SLC4A10: variants seen among roughly 807,000 people sequenced by gnomAD.
SLC4A10 encodes the protein sodium-driven chloride bicarbonate exchanger.
SLC4A10 carries 42 observed loss-of-function variants against 137.7 expected under a neutral mutation model. That is an observed-to-expected ratio of 0.30 (90% CI 0.24 to 0.39). The LOEUF is 0.39. Ranked by LOEUF, SLC4A10 falls within the 10% of genes least tolerant of loss-of-function variation. The pLI, the probability that SLC4A10 is intolerant of heterozygous loss-of-function variation, is 1.00. For missense variants in SLC4A10, 925 were observed against 1,355.0 expected (o/e 0.68, Z 4.98); for synonymous variants, 474 against 464.1 (o/e 1.02, Z -0.27).
rs182819693 is a variant in SLC4A10, at chr2:161,791,176, T to C, written c.131-13273T>C. Among the ~76,000 whole-genome samples, 5 of 152,288 alleles carry C rather than the reference T, an allele frequency of 3.3e-5. No individual in the cohort carries two copies. In the East Asian group the frequency reaches 7.7e-4, roughly 23 times the overall value. Reference sequence around the variant, plus strand: ...AAAGATACATGCACGCACGTGTTCATTGTAGTGCTATTCACAATAGCAAAG... The same window carrying C: ...AAAGATACATGCACGCACGTGTTCACTGTAGTGCTATTCACAATAGCAAAG... On this transcript the variant is annotated intron_variant, in intron 2 of 26. Coordinates refer to ENST00000446997, the MANE Select transcript of SLC4A10 (RefSeq NM_001178015.2).
chr2:161,692,312 A>G (rs1327262877), intron 1 of SLC4A10, among the ~76,000 whole-genome samples: 3 of 152,028 alleles, frequency 2.0e-5, no homozygotes, highest in African/African-American at 7.2e-5. Flanking sequence ...AATATATAGG[A>G]CTATTAAATG....
intron 15 of SLC4A10, among the ~76,000 whole-genome samples, chr2:161,938,385 C>A (rs1691977912): frequency 6.6e-6 from 1 of 152,056 alleles, no homozygotes; most frequent in Admixed American, 6.6e-5. Flanking sequence ...TTAGACCATT[C>A]CAATGCAGCA....
chr2:161,978,384 CAAAAAAA>C (rs61399867), intron 26 of SLC4A10, among the ~76,000 whole-genome samples: 1 of 90,514 alleles, frequency 1.1e-5, no homozygotes, highest in Non-Finnish European at 2.1e-5. Flanking sequence ...GAGACTCTGT[CAAAAAAA>C]AAAAAAAAAA....
chr2:161,952,001 A>T (rs533917740), intron 19 of SLC4A10, among the ~76,000 whole-genome samples: 2 of 152,196 alleles, frequency 1.3e-5, no homozygotes, highest in African/African-American at 4.8e-5. Flanking sequence ...GATACATTTT[A>T]AAAAATCAAC....
chr2:161,660,465 G>T (rs1252470594), intron 1 of SLC4A10, among the ~76,000 whole-genome samples: 2 of 152,066 alleles, frequency 1.3e-5, no homozygotes, highest in Admixed American at 6.6e-5. Flanking sequence ...TGTTGTCCAG[G>T]ACTTCTACCA....
chr2:161,705,330 T>C (rs1181443197), intron 1 of SLC4A10, among the ~76,000 whole-genome samples: 1 of 151,686 alleles, frequency 6.6e-6, no homozygotes, highest in East Asian at 1.9e-4. Flanking sequence ...CCCTAGATTT[T>C]AGTTTTCCCC....
chr2:161,685,611 AAAACAAACAAAC>A (rs143002118), intron 1 of SLC4A10, among the ~76,000 whole-genome samples: 1 of 145,172 alleles, frequency 6.9e-6, no homozygotes, highest in Non-Finnish European at 1.5e-5. Context: ...CTGTCTCAGA[AAAACAAACAAAC>A]AAACAAACAA....
At chr2:161,644,045 C>T (rs964479331) in intron 1 of SLC4A10, among the ~76,000 whole-genome samples, 1 of 146,734 alleles carries the variant, frequency 6.8e-6, no homozygotes, top group African/African-American at 2.5e-5. Context: ...TACAAAGTCA[C>T]TTCTTTCCTT....
chr2:161,860,232 T>A (rs754820705), intron 5 of SLC4A10, among the ~76,000 whole-genome samples: 4 of 152,210 alleles, frequency 2.6e-5, no homozygotes, highest in Non-Finnish European at 5.9e-5. Context: ...AACAGATGAG[T>A]GTGTTTTTTA....
chr2:161,692,862 G>A (rs1559042957), intron 1 of SLC4A10, among the ~76,000 whole-genome samples: 2 of 151,652 alleles, frequency 1.3e-5, no homozygotes, highest in Non-Finnish European at 2.9e-5. Context: ...ACTTTCCATG[G>A]TGCTGTACTG....
intron 26 of SLC4A10, among the ~76,000 whole-genome samples, chr2:161,982,673 A>G (rs1406139660): frequency 1.3e-5 from 2 of 152,198 alleles, no homozygotes; most frequent in Admixed American, 6.5e-5. Flanking sequence ...CCTGTCCTCC[A>G]GGCCAGTGGA....
intron 1 of SLC4A10, among the ~76,000 whole-genome samples, chr2:161,679,208 GGTT>G (rs1161053337): frequency 3.9e-5 from 6 of 152,062 alleles, no homozygotes; most frequent in Admixed American, 1.3e-4. Flanking sequence ...TTGTACTCTA[GGTT>G]GTTTTTCAGT....
At position 161,624,525 on chromosome 2, in the gene SLC4A10, A is replaced by T; in HGVS notation, c.7A>T (p.Ile3Phe). The T allele has an allele frequency of 6.4e-7, 1 of 1,553,846 alleles. No homozygotes were observed. Among genetic ancestry groups the T allele is most frequent in the Non-Finnish European group, 8.7e-7 (1 of 1,148,328 alleles). Residue 3 changes from isoleucine to phenylalanine, a missense_variant, in exon 1 of 27, where the codon ATT becomes TTT. Physicochemically the swap from Ile to Phe is conservative, Grantham distance 21. Transcript: ENST00000446997. The part of the protein sequence containing the change: ME[I>F]KDQGAQMEPL... ...TCCAGAGGCGTTACAAAACATGGAG[A>T]TTAAAGACCAGGGAGCCCAAATGGA...
intron 15 of SLC4A10, among the ~76,000 whole-genome samples, chr2:161,914,812 G>A (rs1379845191): frequency 6.6e-6 from 1 of 152,012 alleles, no homozygotes; most frequent in African/African-American, 2.4e-5. Flanking sequence ...GACTGTATTT[G>A]GAGACAGGAC....
rs377170056 is a variant in SLC4A10, at chr2:161,800,669, A to G, written c.131-3780A>G. 3.3e-5 allele frequency among the ~76,000 whole-genome samples: 5 copies of G among 152,060 alleles called. No individual in the cohort carries two copies. In the East Asian group the frequency reaches 9.6e-4, roughly 29 times the overall value. ...TATGAATTAAGGCAGTATCGAAGAG[A>G]ATGACAGTATGCAAAGAGCTCAAAT... On this transcript the variant is annotated intron_variant, in intron 2 of 26. Coordinates refer to ENST00000446997, the MANE Select transcript of SLC4A10 (RefSeq NM_001178015.2).
intron 23 of SLC4A10, among the ~76,000 whole-genome samples, chr2:161,971,523 T>C (rs1698532073): frequency 6.6e-6 from 1 of 152,198 alleles, no homozygotes; most frequent in South Asian, 2.1e-4. Context: ...AATGAACTCA[T>C]TTTAAGGTAT....
At chr2:161,816,979 C>A (rs1218401066) in intron 3 of SLC4A10, among the ~76,000 whole-genome samples, 1 of 152,116 alleles carries the variant, frequency 6.6e-6, no homozygotes, top group East Asian at 1.9e-4. Flanking sequence ...ATTTATAGTC[C>A]TTTGGGTATA....
At chr2:161,707,953 C>T (rs887380756) in intron 1 of SLC4A10, among the ~76,000 whole-genome samples, 1 of 146,806 alleles carries the variant, frequency 6.8e-6, no homozygotes, top group South Asian at 2.2e-4. Flanking sequence ...GTGGATAAGT[C>T]GTGATACCCA....
At chr2:161,703,100 G>A (rs913757228) in intron 1 of SLC4A10, among the ~76,000 whole-genome samples, 13 of 151,556 alleles carry the variant, frequency 8.6e-5, no homozygotes, top group African/African-American at 3.1e-4. Flanking sequence ...AACCCTTCTG[G>A]AGGGAAATTC....
Sources: allele counts gnomAD v4.1 joint callset (sites outside exome capture counted in the v4.1 genomes callset), GRCh38; gene constraint gnomAD v4.1.1; transcripts MANE v1.5; gene names NCBI Gene and HGNC (gene_info 2026-07-23, HGNC 2026-07-21).